The following AFF4 variants were observed in gnomAD, a reference collection of about 807,000 sequenced individuals.
AFF4 encodes the protein AF4/FMR2 family member 4.
Under a neutral mutation model 124.8 loss-of-function variants are expected in AFF4, and 13 were observed. That is an observed-to-expected ratio of 0.10 (90% CI 0.07 to 0.17). The LOEUF (loss-of-function observed/expected upper bound fraction) is 0.17. Among genes scored for constraint, AFF4 ranks in the 10% least tolerant of loss-of-function variants. The pLI, the probability that AFF4 is intolerant of heterozygous loss-of-function variation, is 1.00. For synonymous variants in AFF4, 477 were observed against 496.1 expected (o/e 0.96, Z 0.51); for missense variants, 1,092 against 1,403.8 (o/e 0.78, Z 3.55).
At chr5:132,926,650 T>C in intron 5 of AFF4, 1 of 141,594 alleles carries the variant, frequency 7.1e-6, no homozygotes, top group African/African-American at 2.6e-5. Context: ...GATCCTCCCA[T>C]CTCAGCCTCC....
chr5:132,963,223 G>A (rs1435628387), intron 1 of AFF4, 36 bp downstream of exon 1: 3 of 388,902 alleles, frequency 7.7e-6, no homozygotes, highest in Admixed American at 4.5e-5. Flanking sequence ...CCCGCGGCCC[G>A]GCCCGGCCCT....
chr5:132,945,068 T>C, intron 1 of AFF4: 1 of 192,696 alleles, frequency 5.2e-6, no homozygotes, highest in South Asian at 1.2e-4. Flanking sequence ...CCCTAATACC[T>C]GCCACCCCAG....
At chr5:132,922,613 C>G (rs1423923243) in intron 5 of AFF4, among the ~76,000 whole-genome samples, 1 of 150,260 alleles carries the variant, frequency 6.7e-6, no homozygotes. Context: ...AACCCTGTCT[C>G]TACTAAAAAT....
intron 17 of AFF4, 83 bp from the exon 18 acceptor site, chr5:132,886,486 G>A (rs1760122358): frequency 3.2e-6 from 4 of 1,248,954 alleles, no homozygotes; most frequent in Non-Finnish European, 4.6e-6. Context: ...CATTGTGCAG[G>A]AGACTGGCTC....
Position 132,934,251 on chromosome 5 carries a change from A to C in AFF4, c.814T>G (p.Ser272Ala). The C allele has an allele frequency of 6.2e-7, 1 of 1,614,198 alleles. No individual in the cohort carries two copies. Among genetic ancestry groups the C allele is most frequent in the Non-Finnish European group, 8.5e-7 (1 of 1,180,032 alleles). The stretch of plus-strand genomic sequence containing the variant: ...TGGGATTGGCTGCTGTAGTGCTCAG[A>C]GGACAGCTTTGGTTCCATGGACTCC... ...GQESMEPKLSSEHYSSQSHGN... is the reference protein window; with the variant it reads ...GQESMEPKLSAEHYSSQSHGN... Residue 272 changes from serine (S) to alanine (A), a missense_variant, in exon 3 of 21, where the codon TCT becomes GCT. Transcript: ENST00000265343.
At chr5:132,893,990 T>G (rs1422653603) in intron 11 of AFF4, among the ~76,000 whole-genome samples, 1 of 152,220 alleles carries the variant, frequency 6.6e-6, no homozygotes, top group Non-Finnish European at 1.5e-5. Context: ...TCATCCATGT[T>G]GCAGCATGGA....
chr5:132,902,412 A>C, intron 7 of AFF4, 30 bp downstream of exon 7: 1 of 1,545,532 alleles, frequency 6.5e-7, no homozygotes, highest in Non-Finnish European at 8.9e-7. Context: ...AAAAATGATA[A>C]ATATTAAACT....
intron 2 of AFF4, among the ~76,000 whole-genome samples, chr5:132,936,716 G>A (rs565532820): frequency 3.9e-5 from 6 of 152,302 alleles, no homozygotes; most frequent in Admixed American, 2.0e-4. Flanking sequence ...AAATGTATGA[G>A]CCAACTCAGA....
In AFF4 at chr5:132,952,664, C is replaced by T. The variant is rs13356175; in HGVS notation, c.-5+10595G>A. ...ATCCCAGCATTTTGGGAGGCCAAGG[C>T]AGGCAGATCACTTGAGGTCAGGAGT... On this transcript the variant is annotated intron_variant, in intron 1 of 20. Transcript: ENST00000265343. 6.3e-3 allele frequency among the ~76,000 whole-genome samples: 963 copies of T among 152,308 alleles called. 14 individuals carry two copies. The highest frequency in any genetic ancestry group is 0.022 in the African/African-American group (932 of 41,582).
At chr5:132,957,826 A>C (rs1396379033) in intron 1 of AFF4, among the ~76,000 whole-genome samples, 2 of 152,190 alleles carry the variant, frequency 1.3e-5, no homozygotes, top group Non-Finnish European at 2.9e-5. Context: ...GATCTCATCA[A>C]CACAATCTAG....
chr5:132,900,779 G>T, intron 7 of AFF4: 1 of 787,958 alleles, frequency 1.3e-6, no homozygotes, highest in Non-Finnish European at 1.5e-6. Flanking sequence ...AACATTCCTT[G>T]TCTTTTTACA....
At chr5:132,962,174 GT>G (rs1762094707) in intron 1 of AFF4, among the ~76,000 whole-genome samples, 1 of 152,184 alleles carries the variant, frequency 6.6e-6, no homozygotes, top group Non-Finnish European at 1.5e-5. Context: ...GACCAGTTAA[GT>G]TTTAAAAAGC....
chr5:132,893,005 C>T, intron 12 of AFF4, 25 bp downstream of exon 12: 2 of 1,602,114 alleles, frequency 1.2e-6, no homozygotes, highest in East Asian at 2.2e-5. Context: ...ACAACACTGG[C>T]ATGCAACATG....
At chr5:132,905,990 AG>A (rs2150079026) in intron 5 of AFF4, among the ~76,000 whole-genome samples, 1 of 152,352 alleles carries the variant, frequency 6.6e-6, no homozygotes, top group East Asian at 1.9e-4. Context: ...CATTTACCCA[AG>A]GAAGACATAT....
At chr5:132,933,033 TAA>T (rs1761336084) in intron 3 of AFF4, among the ~76,000 whole-genome samples, 1 of 152,206 alleles carries the variant, frequency 6.6e-6, no homozygotes, top group South Asian at 2.1e-4. Context: ...CATTTTGAGC[TAA>T]GAGTTGTAAT....
At chr5:132,900,521 C>T (rs1760525245) in intron 7 of AFF4, among the ~76,000 whole-genome samples, 1 of 152,148 alleles carries the variant, frequency 6.6e-6, no homozygotes, top group Non-Finnish European at 1.5e-5. Flanking sequence ...CATCCCATCA[C>T]TGCACTCCAG....
Position 132,878,840 on chromosome 5 carries a change from G to T in AFF4, c.*2219C>A, listed in dbSNP as rs1168293163. 2 of 223,752 alleles carry T rather than the reference G, an allele frequency of 8.9e-6. No homozygotes were observed. The highest frequency in any genetic ancestry group is 1.8e-5 in the Non-Finnish European group (2 of 112,136). The allele number at this position is 223,752 out of a possible 1,614,324, so 13.9% of individuals were successfully genotyped here. On this transcript the variant is annotated 3_prime_UTR_variant, in exon 21 of 21. Coordinates refer to ENST00000265343, the MANE Select transcript of AFF4 (RefSeq NM_014423.4). ...GGACATACAAGAGACTAGAACACAA[G>T]AACTCAGAGGTATCCCACTGGCTGT...
At chr5:132,941,842 T>C (rs1039145174) in intron 1 of AFF4, among the ~76,000 whole-genome samples, 1 of 151,844 alleles carries the variant, frequency 6.6e-6, no homozygotes, top group Non-Finnish European at 1.5e-5. Flanking sequence ...TCCCCTCCTC[T>C]ACTAAAAATA....
intron 1 of AFF4, among the ~76,000 whole-genome samples, chr5:132,950,213 C>G (rs532419358): frequency 6.6e-6 from 1 of 152,100 alleles, no homozygotes; most frequent in Non-Finnish European, 1.5e-5. Context: ...CGATGGCTCA[C>G]GCCTGTAATT....
Sources: allele counts gnomAD v4.1 joint callset (sites outside exome capture counted in the v4.1 genomes callset), GRCh38; gene constraint gnomAD v4.1.1; transcripts MANE v1.5; gene names NCBI Gene and HGNC (gene_info 2026-07-23, HGNC 2026-07-21).